AMD1: variants seen among roughly 807,000 people sequenced by gnomAD.
AMD1 encodes S-adenosylmethionine decarboxylase proenzyme.
A neutral mutation model predicts 40.2 loss-of-function variants in AMD1; 11 were observed. That is an observed-to-expected ratio of 0.27 (90% CI 0.17 to 0.45). The LOEUF (loss-of-function observed/expected upper bound fraction) is 0.45. AMD1 is among the 20% of genes least tolerant of loss of function. The probability of loss-of-function intolerance (pLI) is 1.00; values close to 1 mark genes in which losing one functional copy is unlikely to be tolerated. For synonymous variants in AMD1, 121 were observed against 130.8 expected (o/e 0.93, Z 0.51); for missense variants, 257 against 410.2 (o/e 0.63, Z 3.23).
At chr6:110,828,257 C>T in the AMD1 span, among the ~76,000 whole-genome samples, 5 of 152,030 alleles carry the variant, frequency 3.3e-5, no homozygotes, top group Admixed American at 3.3e-4. Context: ...ATGGCGAAAC[C>T]CCGTCTCTGC....
At chr6:110,868,105 G>A in the AMD1 span, among the ~76,000 whole-genome samples, 2 of 151,966 alleles carry the variant, frequency 1.3e-5, no homozygotes, top group African/African-American at 4.8e-5. Flanking sequence ...AGTTACAGGT[G>A]TGAGCCACCA....
In AMD1 at chr6:110,895,057, C is replaced by G. The variant is rs1387352994; in HGVS notation, c.*1441C>G. 1 of 152,198 alleles carries G rather than the reference C, an allele frequency of 6.6e-6. No individual in the cohort carries two copies. The highest frequency in any genetic ancestry group is 1.9e-4 in the East Asian group (1 of 5,202). 9.4% of individuals were successfully genotyped at this position (152,198 alleles called of 1,614,324 possible). On this transcript the variant is annotated 3_prime_UTR_variant, in exon 9 of 9. Transcript: ENST00000368885. ...CCTTTTAGCTATATTTGCAGATTCTCTGGGATTTTAAGGAACTGAGAAAAC... is the reference window on the plus strand; with the variant it reads ...CCTTTTAGCTATATTTGCAGATTCTGTGGGATTTTAAGGAACTGAGAAAAC...
the AMD1 span, among the ~76,000 whole-genome samples, chr6:110,839,882 A>G: frequency 6.6e-6 from 1 of 152,170 alleles, no homozygotes; most frequent in African/African-American, 2.4e-5. Context: ...TACTTAGCCA[A>G]CATGGCTGGG....
At chr6:110,847,386 A>C in the AMD1 span, among the ~76,000 whole-genome samples, 1 of 150,882 alleles carries the variant, frequency 6.6e-6, no homozygotes, top group Non-Finnish European at 1.5e-5. Context: ...TTAGCCGGGC[A>C]TGGTGGTGGG....
chr6:110,889,128 A>G lies in AMD1; in HGVS notation c.324+145A>G, dbSNP rs138120520. 43 of 858,218 alleles carry G rather than the reference A, an allele frequency of 5.0e-5. No homozygotes were observed. In the East Asian group the frequency reaches 1.2e-3, roughly 23 times the overall value. 53.2% of individuals were successfully genotyped at this position (858,218 alleles called of 1,614,324 possible). ...GGTAAGGTGTTCATACCTTAGGAAG[A>G]GATCTGATTCTCAAGAACAGCAGAA... On this transcript the variant is annotated intron_variant, in intron 3 of 8. Transcript: ENST00000368885.
the AMD1 span, among the ~76,000 whole-genome samples, chr6:110,841,919 C>T: frequency 3.3e-5 from 5 of 152,038 alleles, no homozygotes; most frequent in African/African-American, 1.2e-4. Flanking sequence ...TCTCCTGCCT[C>T]GGCCTCCCAG....
chr6:110,875,317 G>T, intron 1 of AMD1, 102 bp downstream of exon 1: 1 of 980,718 alleles, frequency 1.0e-6, no homozygotes, highest in Non-Finnish European at 1.6e-6. Context: ...CTTTCAGTTG[G>T]GGGCAAGTCT....
rs1182150627 is a variant in AMD1 at position 110,895,247 on chromosome 6, CTGTT to C, written c.*1634_*1637del. The C allele has an allele frequency of 2.0e-5, 3 of 152,118 alleles. No individual in the cohort carries two copies. The highest frequency in any genetic ancestry group is 4.4e-5 in the Non-Finnish European group (3 of 68,012). The allele number at this position is 152,118 out of a possible 1,614,324, so 9.4% of individuals were successfully genotyped here. On this transcript the variant is annotated 3_prime_UTR_variant, in exon 9 of 9. Coordinates refer to ENST00000368885, the MANE Select transcript of AMD1 (RefSeq NM_001634.6). ...GGTTTGAAATCAAGTGGTTGGAACA[CTGTT>C]TGACTTTTATTTGAAGCATGTTGTT... is the stretch of plus-strand genomic sequence containing the variant.
chr6:110,862,036 T>C, the AMD1 span, among the ~76,000 whole-genome samples: 2,963 of 145,920 alleles, frequency 0.02, 75 homozygotes, highest in African/African-American at 0.071. Flanking sequence ...TTTTTTTTTT[T>C]CGAGATGGAG....
At chr6:110,892,033 G>A in intron 4 of AMD1, 128 bp from the exon 5 acceptor site, 4 of 1,120,872 alleles carry the variant, frequency 3.6e-6, no homozygotes, top group South Asian at 1.4e-5. Flanking sequence ...ACTATGCCCA[G>A]TCCACTGATG....
the AMD1 span, among the ~76,000 whole-genome samples, chr6:110,831,836 CT>C: frequency 2.5e-4 from 38 of 151,914 alleles, no homozygotes; most frequent in Non-Finnish European, 5.3e-4. Flanking sequence ...ATATGCAATT[CT>C]TTTTTTAATT....
At position 110,895,454 on chromosome 6, in the gene AMD1, T is replaced by G. The variant is rs200800942; in HGVS notation, c.*1838T>G. On this transcript the variant is annotated 3_prime_UTR_variant, in exon 9 of 9. Transcript: ENST00000368885. ...TTGAGGTCTGGTTTGGTTTTGTTTT[T>G]GTTTTGTTTTGTTTTGTTTTGTTTC... is the stretch of plus-strand genomic sequence containing the variant. 1.4e-5 allele frequency: 1 copy of G among 73,658 alleles called. No homozygotes were observed. Among genetic ancestry groups the G allele is most frequent in the South Asian group, 6.3e-4 (1 of 1,590 alleles). 4.6% of individuals were successfully genotyped at this position (73,658 alleles called of 1,614,324 possible).
At chr6:110,820,241 T>C in the AMD1 span, among the ~76,000 whole-genome samples, 1 of 103,072 alleles carries the variant, frequency 9.7e-6, no homozygotes, top group Admixed American at 9.1e-5. Flanking sequence ...TCTTTCTTTC[T>C]TTTTTTTTTT....
At chr6:110,824,529 C>T in the AMD1 span, among the ~76,000 whole-genome samples, 2 of 152,116 alleles carry the variant, frequency 1.3e-5, no homozygotes, top group Non-Finnish European at 2.9e-5. Context: ...CTATACTATT[C>T]ACCAATGTAA....
the AMD1 span, among the ~76,000 whole-genome samples, chr6:110,845,532 G>T: frequency 6.6e-6 from 1 of 152,170 alleles, no homozygotes; most frequent in African/African-American, 2.4e-5. Flanking sequence ...TTCATGCAGG[G>T]CTGGCTTCAT....
chr6:110,840,106 C>T, the AMD1 span, among the ~76,000 whole-genome samples: 2 of 150,642 alleles, frequency 1.3e-5, no homozygotes, highest in East Asian at 3.9e-4. Flanking sequence ...GCAACCTCCA[C>T]CTCCTGGGTT....
At chr6:110,852,682 G>C in the AMD1 span, among the ~76,000 whole-genome samples, 1 of 152,128 alleles carries the variant, frequency 6.6e-6, no homozygotes, top group South Asian at 2.1e-4. Context: ...TCAATACAAA[G>C]AATTGCTGTC....
At chr6:110,851,486 G>T in the AMD1 span, among the ~76,000 whole-genome samples, 1 of 151,258 alleles carries the variant, frequency 6.6e-6, no homozygotes, top group Admixed American at 6.6e-5. Context: ...GTTTTGATAT[G>T]GAATGTTACT....
chr6:110,833,944 C>T, the AMD1 span, among the ~76,000 whole-genome samples: 2 of 152,092 alleles, frequency 1.3e-5, no homozygotes, highest in East Asian at 3.8e-4. Flanking sequence ...ATCAGTATTT[C>T]GTGTATGAGG....
Sources: allele counts gnomAD v4.1 joint callset (sites outside exome capture counted in the v4.1 genomes callset), GRCh38; gene constraint gnomAD v4.1.1; transcripts MANE v1.5; gene names NCBI Gene and HGNC (gene_info 2026-07-23, HGNC 2026-07-21).